FASN: variants seen among roughly 807,000 people sequenced by gnomAD.
FASN encodes 3-hydroxyacyl-[acyl-carrier-protein] dehydratase.
A neutral mutation model predicts 250.0 loss-of-function variants in FASN; 50 were observed. The ratio of observed to expected loss-of-function variants is 0.20; its 90% confidence interval spans 0.16 to 0.25. The LOEUF is 0.25. FASN is among the 10% of genes least tolerant of loss of function. The pLI is 1.00. For missense variants in FASN, 3,031 were observed against 3,498.5 expected, an observed-to-expected ratio of 0.87 and a Z score of 3.37; for synonymous variants, 1,909 against 1,584.0, an observed-to-expected ratio of 1.21 and a Z score of -4.87.
At position 82,083,989 on chromosome 17, in the gene FASN, A is replaced by G. The variant is rs767114406; in HGVS notation, c.5084T>C (p.Val1695Ala). The change falls in exon 29 of 43, where the codon GTC becomes GCC. Residue 1695 changes from valine to alanine, a missense_variant. Transcript: ENST00000306749. ...CGGGGCCTTACCCACGGTGGTGAAG[A>G]CGCGGCAGCCCAGACTGAGGGCGAT... ...IAIALSLGCR[V>A]FTTVGSAEKR... 1.3e-6 allele frequency: 2 copies of G among 1,539,386 alleles called. No individual in the cohort carries two copies. Among genetic ancestry groups the G allele is most frequent in the African/African-American group, 2.7e-5 (2 of 72,948 alleles).
In FASN at chr17:82,080,571, G is replaced by A. The variant is rs1166803581; in HGVS notation, c.6846C>T (p.Ile2282=). The A allele has an allele frequency of 3.2e-6, 5 of 1,557,884 alleles. No individual in the cohort carries two copies. The highest frequency in any genetic ancestry group is 3.5e-6 in the Non-Finnish European group (4 of 1,151,720). Residue 2282 remains isoleucine, a synonymous_variant, in exon 40 of 43, where the codon ATC becomes ATT. Coordinates refer to ENST00000306749, the MANE Select transcript of FASN (RefSeq NM_004104.5). ...QCTRAAPLDS[I]HSLAAYYIDC... is the part of the protein sequence containing the mutation. ...CGATGTAGTAGGCAGCCAGGCTGTG[G>A]ATGCTGTCAAGGGGCGCAGCTGCAA... is the stretch of plus-strand genomic sequence containing the variant.
At position 82,089,044 on chromosome 17, in the gene FASN, C is replaced by A. The variant is rs200544883; in HGVS notation, c.2229G>T (p.Val743=). ...EYNVNNLVSP[V]LFQEALWHVP... The stretch of plus-strand genomic sequence containing the variant: ...CGTGCCACAGGGCCTCCTGGAACAG[C>A]ACAGGGCTCACCAGGTTGTTGACAT... The change falls in exon 14 of 43, where the codon GTG becomes GTT. Residue 743 remains valine (V), a synonymous_variant. Coordinates refer to ENST00000306749, the MANE Select transcript of FASN (RefSeq NM_004104.5). 1.2e-6 allele frequency: 2 copies of A among 1,604,172 alleles called. No individual in the cohort carries two copies. The highest frequency in any genetic ancestry group is 2.3e-5 in the East Asian group (1 of 44,090).
chr17:82,087,801 G>T lies in FASN; in HGVS notation c.2927C>A (p.Thr976Asn), dbSNP rs775079554. Residue 976 changes from threonine (T) to asparagine (N), a missense_variant, in exon 19 of 43, where the codon ACC becomes AAC. Coordinates refer to ENST00000306749, the MANE Select transcript of FASN (RefSeq NM_004104.5). Reference sequence around the variant, plus strand: ...GAAGAGGGGCTCCGTGGGGTTGGGGGTGGGGCTTTCCGGGTGGTCGAAGAG... The same window carrying T: ...GAAGAGGGGCTCCGTGGGGTTGGGGTTGGGGCTTTCCGGGTGGTCGAAGAG... ...PRLFDHPESP[T>N]PNPTEPLFLA... 4.3e-6 allele frequency: 7 copies of T among 1,612,620 alleles called. No individual in the cohort carries two copies. The highest frequency in any genetic ancestry group is 2.2e-5 in the South Asian group (2 of 91,078).
chr17:82,091,428 C>T lies in FASN; in HGVS notation c.1286G>A (p.Arg429His), dbSNP rs1272788640. Residue 429 changes from arginine (R) to histidine (H), a missense_variant, in exon 9 of 43, where the codon CGC becomes CAC. Coordinates refer to ENST00000306749, the MANE Select transcript of FASN (RefSeq NM_004104.5). Reference protein sequence around the residue: ...TLPRLLRASGRTPEAVQKLLE... With the variant: ...TLPRLLRASGHTPEAVQKLLE... ...CAGCTTCTGCACGGCCTCAGGGGTG[C>T]GTCCGCTGGCCCGCAGCAGACGGGG... 4 of 1,607,784 alleles carry T rather than the reference C, an allele frequency of 2.5e-6. No homozygotes were observed. The highest frequency in any genetic ancestry group is 1.7e-4 in the Middle Eastern group (1 of 6,052).
At chr17:82,096,211 G>C in intron 2 of FASN, 108 bp downstream of exon 2, 1 of 1,557,170 alleles carries the variant, frequency 6.4e-7, no homozygotes, top group Non-Finnish European at 8.8e-7. Flanking sequence ...CCGGCCTCAG[G>C]CCAGTGCCTG....
intron 25 of FASN, 36 bp from the exon 26 acceptor site, chr17:82,084,989 G>A (rs1479949980): frequency 3.2e-6 from 5 of 1,578,922 alleles, no homozygotes; most frequent in African/African-American, 1.3e-5. Flanking sequence ...GCTGGGGATG[G>A]GGAGGCTGGT....
chr17:82,082,700 G>A, intron 33 of FASN, 22 bp from the exon 34 acceptor site: 1 of 1,605,200 alleles, frequency 6.2e-7, no homozygotes. Flanking sequence ...AGGACTGTGG[G>A]CTGGACTGGG....
chr17:82,092,890 A>T lies in FASN; in HGVS notation c.778+7T>A. On this transcript the variant is annotated splice_region_variant and intron_variant, in intron 6 of 42. Transcript: ENST00000306749. ...CCCCAGCACCCCGGAACCCCGGCAG[A>T]GCCCACCTTGCTCCTTGAAGCCATC... 6.3e-7 allele frequency: 1 copy of T among 1,599,062 alleles called. No individual in the cohort carries two copies. Among genetic ancestry groups the T allele is most frequent in the East Asian group, 2.3e-5 (1 of 44,268 alleles).
intron 19 of FASN, 52 bp downstream of exon 19, chr17:82,087,633 A>C: frequency 6.2e-7 from 1 of 1,605,176 alleles, no homozygotes; most frequent in Non-Finnish European, 8.5e-7. Context: ...TGGTCCCCAC[A>C]ATGACGACCG....
At position 82,091,664 on chromosome 17, in the gene FASN, G is replaced by C. The variant is rs762709317; in HGVS notation, c.1050C>G (p.His350Gln). ...ALAKVLLSLE[H>Q]GLWAPNLHFH... ...AGTGCAGGTTGGGGGCCCAGAGCCC[G>C]TGCTCCAGGGACAGCAGCACCTGCG... Residue 350 changes from histidine to glutamine, a missense_variant, in exon 9 of 43, where the codon CAC (histidine) becomes CAG (glutamine). Physicochemically the swap from His to Gln is conservative, Grantham distance 24 (BLOSUM62 0). Coordinates refer to ENST00000306749, the MANE Select transcript of FASN (RefSeq NM_004104.5). 2.5e-6 allele frequency: 4 copies of C among 1,589,060 alleles called. No homozygotes were observed. Among genetic ancestry groups the C allele is most frequent in the Non-Finnish European group, 3.4e-6 (4 of 1,168,968 alleles).
chr17:82,094,596 C>T (rs2034272437), intron 3 of FASN, among the ~76,000 whole-genome samples: 1 of 151,914 alleles, frequency 6.6e-6, no homozygotes, highest in Admixed American at 6.6e-5. Flanking sequence ...CGAGACCATC[C>T]TGGCAAACAT....
intron 37 of FASN, 107 bp from the exon 38 acceptor site, chr17:82,081,459 C>A: frequency 6.4e-7 from 1 of 1,572,770 alleles, no homozygotes; most frequent in East Asian, 2.3e-5. Context: ...TCCCAAAGCA[C>A]CACCACCACA....
intron 1 of FASN, chr17:82,096,666 C>A (rs2034309478): frequency 1.5e-6 from 1 of 669,890 alleles, no homozygotes; most frequent in African/African-American, 1.8e-5. Flanking sequence ...TGGGAACAGG[C>A]CCGCCTCTGG....
chr17:82,079,537 C>G lies in FASN; in HGVS notation c.7218G>C (p.Lys2406Asn), dbSNP rs1164435674. The change falls in exon 42 of 43, where the codon AAG becomes AAC. Residue 2406 changes from lysine (K) to asparagine (N), a missense_variant. Coordinates refer to ENST00000306749, the MANE Select transcript of FASN (RefSeq NM_004104.5). The stretch of plus-strand genomic sequence containing the variant: ...CCTGGCGGTCCAGGCCCTGGTGGCT[C>G]TTGATGATCAGGTCCACGGCGGCTG... ...RVAAAVDLII[K>N]SHQGLDRQEL... 1 of 1,610,142 alleles carries G rather than the reference C, an allele frequency of 6.2e-7. No individual in the cohort carries two copies. The highest frequency in any genetic ancestry group is 8.5e-7 in the Non-Finnish European group (1 of 1,179,960).
chr17:82,088,642 G>T, intron 15 of FASN, 80 bp from the exon 16 acceptor site: 2 of 1,535,788 alleles, frequency 1.3e-6, no homozygotes, highest in Non-Finnish European at 1.8e-6. Flanking sequence ...ACTGCCTGCG[G>T]TGGACCATCC....
At position 82,089,684 on chromosome 17, in the gene FASN, A is replaced by G. The variant is rs1327630113; in HGVS notation, c.1913T>C (p.Val638Ala). The G allele has an allele frequency of 1.9e-6, 3 of 1,589,202 alleles. No individual in the cohort carries two copies. The highest frequency in any genetic ancestry group is 2.6e-6 in the Non-Finnish European group (3 of 1,170,156). The change falls in exon 12 of 43, where the codon GTG becomes GCG. Residue 638 changes from valine to alanine, a missense_variant. Transcript: ENST00000306749. The stretch of plus-strand genomic sequence containing the variant: ...CTTGGAGTTGTGGCAGGCGGGCACC[A>G]CGCCCGGGGGGCAGCGCTGTTTACA... ...EECKQRCPPGVVPACHNSKDT... is the reference protein window; with the variant it reads ...EECKQRCPPGAVPACHNSKDT...
rs371919401 is a variant in FASN at position 82,080,251 on chromosome 17, A to G, written c.7048-13T>C. 6 of 1,612,816 alleles carry G rather than the reference A, an allele frequency of 3.7e-6. No individual in the cohort carries two copies. The highest frequency in any genetic ancestry group is 2.7e-5 in the African/African-American group (2 of 74,944). On this transcript the variant is annotated splice_polypyrimidine_tract_variant and intron_variant, in intron 40 of 42. Coordinates refer to ENST00000306749, the MANE Select transcript of FASN (RefSeq NM_004104.5). ...TTGCCCGGTAGCTCTGAGAGGAAGGAGGGACTGCTGAGCAGATGGAAGGGG... is the reference window on the plus strand; with the variant it reads ...TTGCCCGGTAGCTCTGAGAGGAAGGGGGGACTGCTGAGCAGATGGAAGGGG...
In FASN at chr17:82,092,443, A is replaced by G. The variant is rs1328254348; in HGVS notation, c.1029+12T>C. ...AGGAGCCTGAGGGACCCCCAAGCCCAGCCCCACCTACCTTGGCCAGGGCTG... is the reference window on the plus strand; with the variant it reads ...AGGAGCCTGAGGGACCCCCAAGCCCGGCCCCACCTACCTTGGCCAGGGCTG... On this transcript the variant is annotated intron_variant, in intron 8 of 42. Coordinates refer to ENST00000306749, the MANE Select transcript of FASN (RefSeq NM_004104.5). 9 of 1,562,448 alleles carry G rather than the reference A, an allele frequency of 5.8e-6. No individual in the cohort carries two copies. The East Asian group carries it at 2.1e-4, about 37-fold the overall frequency.
At chr17:82,094,259 G>C in intron 3 of FASN, 1 of 252,930 alleles carries the variant, frequency 4.0e-6, no homozygotes, top group South Asian at 4.4e-5. Flanking sequence ...GAAGGAGAGA[G>C]GGACACCGGT....
Sources: gnomAD v4.1 joint callset for allele counts (sites outside exome capture counted in the v4.1 genomes callset) on GRCh38, gnomAD v4.1.1 for gene constraint, MANE v1.5 for transcripts, NCBI Gene and HGNC (gene_info 2026-07-23, HGNC 2026-07-21) for gene names.